Variants in ABCA12 observed in about 807,000 individuals in gnomAD.
ABCA12 encodes glucosylceramide transporter ABCA12.
ABCA12 carries 156 observed loss-of-function variants against 293.5 expected under a neutral mutation model. The ratio of observed to expected loss-of-function variants is 0.53; its 90% CI spans 0.47 to 0.61. ABCA12 has a LOEUF of 0.61. Among genes scored for constraint, ABCA12 ranks in the 20% least tolerant of loss-of-function variants. The probability of loss-of-function intolerance (pLI) is 0.00; values close to 1 mark genes in which losing one functional copy is unlikely to be tolerated. For synonymous variants in ABCA12, 1,063 were observed against 1,108.0 expected (o/e 0.96, Z 0.81); for missense variants, 2,797 against 3,090.2 (o/e 0.91, Z 2.25).
Position 215,019,405 on chromosome 2 carries a change from T to C in ABCA12, c.1588A>G (p.Thr530Ala). ...ALQMNYLENITQLIPIIEAML... is the reference protein window; with the variant it reads ...ALQMNYLENIAQLIPIIEAML... ...GCTTCTATGATCGGTATTAACTGAG[T>C]GATATTTTCCAAGTAATTCATTTGC... The change falls in exon 13 of 53, where the codon ACT (threonine) becomes GCT (alanine). Residue 530 changes from threonine to alanine, a missense_variant. Physicochemically the swap from Thr to Ala is moderately conservative, Grantham distance 58. Transcript: ENST00000272895. 1 of 1,613,790 alleles carries C rather than the reference T, an allele frequency of 6.2e-7. No homozygotes were observed.
chr2:215,124,782 T>G (rs769697512), intron 1 of ABCA12, among the ~76,000 whole-genome samples: 27 of 152,238 alleles, frequency 1.8e-4, no homozygotes, highest in Non-Finnish European at 4.0e-4. Context: ...ACTGTTCCTT[T>G]TGCTGTGCAA....
intron 28 of ABCA12, among the ~76,000 whole-genome samples, chr2:214,985,082 T>C (rs903758567): frequency 1.3e-5 from 2 of 152,218 alleles, no homozygotes; most frequent in Non-Finnish European, 2.9e-5. Flanking sequence ...GATTAAATTA[T>C]GAACAAAGGA....
chr2:215,113,412 C>CA (rs1702619076), intron 1 of ABCA12, among the ~76,000 whole-genome samples: 1 of 152,202 alleles, frequency 6.6e-6, no homozygotes, highest in Non-Finnish European at 1.5e-5. Context: ...CAGCACTTCT[C>CA]AAACACTAGT....
At chr2:215,131,040 G>T (rs1171778281) in intron 1 of ABCA12, among the ~76,000 whole-genome samples, 1 of 151,752 alleles carries the variant, frequency 6.6e-6, no homozygotes, top group Non-Finnish European at 1.5e-5. Flanking sequence ...TTATGTGGTG[G>T]ATCATGTTTA....
intron 11 of ABCA12, among the ~76,000 whole-genome samples, chr2:215,024,541 T>A (rs4673930): frequency 2.6e-5 from 4 of 152,174 alleles, no homozygotes; most frequent in African/African-American, 7.2e-5. Context: ...CACAATTTCC[T>A]TCTCATTTGC....
intron 35 of ABCA12, among the ~76,000 whole-genome samples, 174 bp from the exon 36 acceptor site, chr2:214,974,216 G>T (rs1368473755): frequency 6.6e-6 from 1 of 152,190 alleles, no homozygotes; most frequent in Admixed American, 6.5e-5. Flanking sequence ...ATGATTTGAC[G>T]TTTTGTGATG....
chr2:215,104,379 C>G (rs1347471163), intron 2 of ABCA12, among the ~76,000 whole-genome samples: 1 of 152,210 alleles, frequency 6.6e-6, no homozygotes, highest in African/African-American at 2.4e-5. Context: ...ATCGTGTTAG[C>G]TGGCATTAGG....
intron 23 of ABCA12, among the ~76,000 whole-genome samples, chr2:214,992,220 A>C (rs1167672857): frequency 2.6e-5 from 4 of 151,906 alleles, no homozygotes; most frequent in Admixed American, 2.6e-4. Context: ...AGACGGGCAG[A>C]TCACGAGGTC....
At chr2:215,036,105 T>A (rs1700986093) in intron 8 of ABCA12, among the ~76,000 whole-genome samples, 1 of 152,216 alleles carries the variant, frequency 6.6e-6, no homozygotes, top group African/African-American at 2.4e-5. Context: ...CAGTCAATCC[T>A]GCAAGCTAAC....
intron 37 of ABCA12, 143 bp downstream of exon 37, chr2:214,970,130 A>G (rs1030504749): frequency 1.3e-6 from 1 of 768,420 alleles, no homozygotes; most frequent in Non-Finnish European, 1.9e-6. Flanking sequence ...TTTACATTTC[A>G]ATATATAAGG....
At position 215,052,545 on chromosome 2, in the gene ABCA12, G is replaced by A; in HGVS notation, c.449C>T (p.Pro150Leu). ...ACTGCCATTGAAAGTATATGTTCCG[G>A]GGATTTCCAAATCAGAACTTGGACT... ...FPSPSSDLEI[P>L]GTYTFNGSQV... Residue 150 changes from proline to leucine, a missense_variant, in exon 5 of 53, where the codon CCC (proline) becomes CTC (leucine). Transcript: ENST00000272895. 1.9e-6 allele frequency: 3 copies of A among 1,612,632 alleles called. No homozygotes were observed. The highest frequency in any genetic ancestry group is 2.5e-6 in the Non-Finnish European group (3 of 1,179,004).
intron 28 of ABCA12, among the ~76,000 whole-genome samples, chr2:214,985,586 A>C (rs955120018): frequency 6.6e-6 from 1 of 152,038 alleles, no homozygotes; most frequent in Non-Finnish European, 1.5e-5. Flanking sequence ...CCTTTTTGGC[A>C]TTGTATTCTC....
intron 50 of ABCA12, among the ~76,000 whole-genome samples, 192 bp from the exon 51 acceptor site, chr2:214,937,807 T>G (rs986199807): frequency 6.6e-6 from 1 of 152,178 alleles, no homozygotes; most frequent in Non-Finnish European, 1.5e-5. Flanking sequence ...GATTTTTTAT[T>G]TATTTCTACC....
At position 214,951,011 on chromosome 2, in the gene ABCA12, C is replaced by T. The variant is rs767744158; in HGVS notation, c.6720G>A (p.Glu2240=). The change falls in exon 45 of 53, where the codon GAG becomes GAA. Residue 2240 remains glutamate, a synonymous_variant. Transcript: ENST00000272895. ...TIDEDEDVRA[E]RLRVESGAAE... ...CTGCACCACTCTCAACTCTTAATCT[C>T]TCAGCCCGCACATCTTCATCCTCAT... 14 of 1,614,044 alleles carry T rather than the reference C, an allele frequency of 8.7e-6. No homozygotes were observed. Among genetic ancestry groups the T allele is most frequent in the Admixed American group, 5.0e-5 (3 of 60,012 alleles).
rs774733088 is a variant in ABCA12, at chr2:214,978,961, T to C, written c.4820A>G (p.Tyr1607Cys). The C allele has an allele frequency of 6.2e-7, 1 of 1,614,058 alleles. No individual in the cohort carries two copies. The highest frequency in any genetic ancestry group is 8.5e-7 in the Non-Finnish European group (1 of 1,179,976). ...CTCTCCCCCAATATCCTCCTTGAGG[T>C]AGGCTTCGGGGAGATGTGATTGGAT... Reference protein sequence around the residue: ...AMIQSHLPEAYLKEDIGGELV... With the variant: ...AMIQSHLPEACLKEDIGGELV... The change falls in exon 32 of 53, where the codon TAC (tyrosine) becomes TGC (cysteine). Residue 1607 changes from tyrosine to cysteine, a missense_variant. Transcript: ENST00000272895.
At chr2:214,974,935 AGAAAT>A in intron 34 of ABCA12, 71 bp from the exon 35 acceptor site, 1 of 1,359,698 alleles carries the variant, frequency 7.4e-7, no homozygotes, top group Non-Finnish European at 1.1e-6. Flanking sequence ...TCATGCTTGA[AGAAAT>A]GAAATGTGCT....
At chr2:214,941,113 T>A (rs1698386617) in intron 50 of ABCA12, among the ~76,000 whole-genome samples, 1 of 152,204 alleles carries the variant, frequency 6.6e-6, no homozygotes. Flanking sequence ...TGCTCTAAAT[T>A]TCCCTCTAAA....
intron 48 of ABCA12, 57 bp downstream of exon 48, chr2:214,947,365 C>T: frequency 6.2e-7 from 1 of 1,600,724 alleles, no homozygotes; most frequent in Non-Finnish European, 8.6e-7. Flanking sequence ...TTAACACATG[C>T]AATCAGATAT....
At chr2:215,034,452 A>G (rs1461825043) in intron 8 of ABCA12, among the ~76,000 whole-genome samples, 1 of 152,222 alleles carries the variant, frequency 6.6e-6, no homozygotes, top group Non-Finnish European at 1.5e-5. Context: ...AAAATGTAGC[A>G]TATGGCTTCC....
Sources: gnomAD v4.1 joint callset for allele counts (sites outside exome capture counted in the v4.1 genomes callset) on GRCh38, gnomAD v4.1.1 for gene constraint, MANE v1.5 for transcripts, NCBI Gene and HGNC (gene_info 2026-07-23, HGNC 2026-07-21) for gene names.